MIEF1: variants seen among roughly 807,000 people sequenced by gnomAD.
MIEF1 encodes mitochondrial elongation factor 1, also known as mitochondrial dynamics protein MIEF1.
A neutral mutation model predicts 35.1 loss-of-function variants in MIEF1; 14 were observed. The ratio of observed to expected loss-of-function variants is 0.40; its 90% CI spans 0.26 to 0.62. The LOEUF (loss-of-function observed/expected upper bound fraction) is 0.62, where lower values mean the gene tolerates loss of function less well. Ranked by LOEUF, MIEF1 falls within the 20% of genes least tolerant of loss-of-function variation. The pLI, the probability that MIEF1 is intolerant of heterozygous loss-of-function variation, is 0.43. For missense variants in MIEF1, 542 were observed against 615.4 expected, an observed-to-expected ratio of 0.88 and a Z score of 1.26; for synonymous variants, 245 against 254.3, an observed-to-expected ratio of 0.96 and a Z score of 0.35.
Position 39,511,351 on chromosome 22 carries a change from C to A in MIEF1, c.57C>A (p.Ala19=). 5.0e-6 allele frequency: 8 copies of A among 1,613,772 alleles called. No homozygotes were observed. The highest frequency in any genetic ancestry group is 6.8e-6 in the Non-Finnish European group (8 of 1,179,830). ...GKKDDNGIGT[A]IDFVLSNARL... ...AGGATGACAATGGCATTGGCACGGC[C>A]ATTGACTTTGTGCTCTCCAATGCCC... The change falls in exon 3 of 6, where the codon GCC becomes GCA. Residue 19 remains alanine, a synonymous_variant. Coordinates refer to ENST00000325301, the MANE Select transcript of MIEF1 (RefSeq NM_019008.6).
At chr22:39,507,587 C>T (rs1485776933) in intron 2 of MIEF1, among the ~76,000 whole-genome samples, 1 of 151,058 alleles carries the variant, frequency 6.6e-6, no homozygotes, top group East Asian at 2.0e-4. Flanking sequence ...GTTTTGATCT[C>T]AGCTGTTGGC....
chr22:39,500,929 CA>C, upstream of MIEF1, among the ~76,000 whole-genome samples: 1 of 152,066 alleles, frequency 6.6e-6, no homozygotes, highest in Admixed American at 6.5e-5. Context: ...CTCCTGACCT[CA>C]AGTAGATCCG....
At position 39,515,481 on chromosome 22, in the gene MIEF1, A is replaced by T. The variant is rs903910308; in HGVS notation, c.*1158A>T. On this transcript the variant is annotated 3_prime_UTR_variant, in exon 6 of 6. Coordinates refer to ENST00000325301, the MANE Select transcript of MIEF1 (RefSeq NM_019008.6). ...TGCTGAGCGCTCCGGGCACGGCCAG[A>T]GGGCAAGTGAGCATGCACGGACCTC... 19 of 641,658 alleles carry T rather than the reference A, an allele frequency of 3.0e-5. No individual in the cohort carries two copies. The highest frequency in any genetic ancestry group is 4.8e-5 in the Non-Finnish European group (17 of 351,118). 39.7% of individuals were successfully genotyped at this position (641,658 alleles called of 1,614,324 possible).
chr22:39,506,763 C>T (rs532653592), intron 2 of MIEF1, among the ~76,000 whole-genome samples: 22 of 152,174 alleles, frequency 1.4e-4, no homozygotes, highest in African/African-American at 4.1e-4. Flanking sequence ...TTGTATCTAG[C>T]GAGACAGGTT....
At position 39,504,456 on chromosome 22, in the gene MIEF1, G is replaced by C. The variant is rs1444154792; in HGVS notation, c.-86G>C. ...GAGGATCATTTAGGATCCTCCAAGGGAAAGAGGACAAAGGTGCCTTCTGTA... is the reference window on the plus strand; with the variant it reads ...GAGGATCATTTAGGATCCTCCAAGGCAAAGAGGACAAAGGTGCCTTCTGTA... On this transcript the variant is annotated 5_prime_UTR_variant, in exon 2 of 6. Coordinates refer to ENST00000325301, the MANE Select transcript of MIEF1 (RefSeq NM_019008.6). The C allele has an allele frequency of 7.5e-6, 3 of 398,942 alleles. No individual in the cohort carries two copies. The highest frequency in any genetic ancestry group is 1.3e-5 in the Non-Finnish European group (3 of 226,096). 24.7% of individuals were successfully genotyped at this position (398,942 alleles called of 1,614,324 possible). A position where few individuals can be genotyped will look rare whatever the true frequency, so the allele number is the denominator to read the frequency against.
chr22:39,513,411 C>G, intron 5 of MIEF1, 106 bp from the exon 6 acceptor site: 1 of 1,221,112 alleles, frequency 8.2e-7, no homozygotes, highest in Non-Finnish European at 1.1e-6. Context: ...GCCTAGAGTT[C>G]CCATTCTTGC....
chr22:39,510,755 T>G (rs1048973148), intron 2 of MIEF1, among the ~76,000 whole-genome samples: 2 of 152,176 alleles, frequency 1.3e-5, no homozygotes, highest in African/African-American at 4.8e-5. Context: ...AGACCTGCTT[T>G]ATAACCTCTG....
At chr22:39,501,638 A>G (rs1445767334), upstream of MIEF1, 1 of 152,302 alleles carries the variant, frequency 6.6e-6, no homozygotes, top group African/African-American at 2.4e-5. Context: ...AGTGCCTGGC[A>G]TATGGTAGGC....
chr22:39,515,299 GT>G lies in MIEF1; in HGVS notation c.*977del. The G allele has an allele frequency of 1.4e-6, 1 of 717,610 alleles. No individual in the cohort carries two copies. The highest frequency in any genetic ancestry group is 1.7e-5 in the African/African-American group (1 of 57,388). The allele number at this position is 717,610 out of a possible 1,614,324, so 44.5% of individuals were successfully genotyped here. A position where few individuals can be genotyped will look rare whatever the true frequency, so the allele number is the denominator to read the frequency against. The stretch of plus-strand genomic sequence containing the variant: ...GATGGAGGTAGACAGTCGACTGAAT[GT>G]CAGCTGGAAAATCCAGTCACTAGTT... On this transcript the variant is annotated 3_prime_UTR_variant, in exon 6 of 6. Transcript: ENST00000325301.
intron 1 of MIEF1, 98 bp downstream of exon 1, chr22:39,502,535 GA>G (rs1165295149): frequency 6.6e-6 from 1 of 152,254 alleles, no homozygotes; most frequent in Non-Finnish European, 1.5e-5. Flanking sequence ...ATGCGGCCCG[GA>G]GTCAGGATAC....
chr22:39,506,168 CA>C (rs1426810031), intron 2 of MIEF1, among the ~76,000 whole-genome samples: 8 of 152,016 alleles, frequency 5.3e-5, no homozygotes, highest in Non-Finnish European at 1.0e-4. Flanking sequence ...ACTACCCCCT[CA>C]AAAAAACCAA....
upstream of MIEF1, among the ~76,000 whole-genome samples, chr22:39,501,158 G>A (rs7287617): frequency 0.77 from 117,689 of 152,138 alleles, 46,790 homozygotes; most frequent in East Asian, 0.99. Flanking sequence ...CCCAGTTCTG[G>A]TAAGGGCCTC....
chr22:39,511,771 C>T, intron 3 of MIEF1, 78 bp from the exon 4 acceptor site: 2 of 1,502,222 alleles, frequency 1.3e-6, no homozygotes, highest in Non-Finnish European at 1.8e-6. Flanking sequence ...TAGGACAGAG[C>T]TTCTGGGGAG....
At chr22:39,509,942 C>T (rs1930247294) in intron 2 of MIEF1, among the ~76,000 whole-genome samples, 1 of 152,102 alleles carries the variant, frequency 6.6e-6, no homozygotes, top group South Asian at 2.1e-4. Context: ...GTCCTGAGTT[C>T]TGGAGATGAC....
intron 2 of MIEF1, among the ~76,000 whole-genome samples, chr22:39,507,638 C>T (rs1053414178): frequency 2.6e-5 from 4 of 151,694 alleles, no homozygotes; most frequent in East Asian, 2.0e-4. Context: ...CCAGGGTGGG[C>T]AGATCACCTG....
chr22:39,511,934 T>C lies in MIEF1; in HGVS notation c.230T>C (p.Met77Thr). Reference sequence around the variant, plus strand: ...AGGAGCTGGGAAGAACCCAACTGGATGGGCTCCCCACGACTGCTGAACAGG... The same window carrying C: ...AGGAGCTGGGAAGAACCCAACTGGACGGGCTCCCCACGACTGCTGAACAGG... Reference protein sequence around the residue: ...GKRSWEEPNWMGSPRLLNRDM... With the variant: ...GKRSWEEPNWTGSPRLLNRDM... Residue 77 changes from methionine (M) to threonine (T), a missense_variant, in exon 4 of 6, where the codon ATG becomes ACG. Coordinates refer to ENST00000325301, the MANE Select transcript of MIEF1 (RefSeq NM_019008.6). 6.2e-7 allele frequency: 1 copy of C among 1,614,220 alleles called. No individual in the cohort carries two copies. Among genetic ancestry groups the C allele is most frequent in the Non-Finnish European group, 8.5e-7 (1 of 1,180,038 alleles).
intron 5 of MIEF1, among the ~76,000 whole-genome samples, chr22:39,513,098 G>T (rs943306089): frequency 4.1e-5 from 6 of 146,000 alleles, no homozygotes; most frequent in East Asian, 2.1e-4. Flanking sequence ...TGACATGAAA[G>T]AATTTTTTTT....
At chr22:39,503,581 A>C (rs1239079791) in intron 1 of MIEF1, 1 of 152,226 alleles carries the variant, frequency 6.6e-6, no homozygotes, top group East Asian at 1.9e-4. Flanking sequence ...TCTGCTGTTG[A>C]TAGAGTGCTT....
chr22:39,509,010 T>C (rs1348399702), intron 2 of MIEF1, among the ~76,000 whole-genome samples: 6 of 152,124 alleles, frequency 3.9e-5, no homozygotes, highest in African/African-American at 9.7e-5. Flanking sequence ...TTTTTTTTTT[T>C]CTTCAAGACG....
Sources: allele counts gnomAD v4.1 joint callset (sites outside exome capture counted in the v4.1 genomes callset), GRCh38; gene constraint gnomAD v4.1.1; transcripts MANE v1.5; gene names NCBI Gene and HGNC (gene_info 2026-07-23, HGNC 2026-07-21).